Variants in SLC2A12 observed in about 807,000 individuals in gnomAD.
SLC2A12 encodes solute carrier family 2, facilitated glucose transporter member 12.
Under a neutral mutation model 41.8 loss-of-function variants are expected in SLC2A12, and 23 were observed. The observed-to-expected ratio is 0.55, with a 90% CI of 0.40 to 0.78. The LOEUF is 0.78. Among genes scored for constraint, SLC2A12 ranks in the 30% least tolerant of loss-of-function variants. The probability of loss-of-function intolerance (pLI) is 0.00; values close to 1 mark genes in which losing one functional copy is unlikely to be tolerated. For synonymous variants in SLC2A12, 295 were observed against 285.9 expected (o/e 1.03, Z -0.32); for missense variants, 654 against 745.6 (o/e 0.88, Z 1.43).
intron 2 of SLC2A12, among the ~76,000 whole-genome samples, chr6:134,023,592 ATAAT>A (rs542714376): frequency 6.6e-6 from 1 of 152,312 alleles, no homozygotes; most frequent in South Asian, 2.1e-4. Flanking sequence ...CTCAAGGGAG[ATAAT>A]TAACGTTCCT....
In SLC2A12 at chr6:133,991,133, C is replaced by G. The variant is rs17063242; in HGVS notation, c.*22G>C. On this transcript the variant is annotated 3_prime_UTR_variant, in exon 5 of 5. Transcript: ENST00000275230. ...CTCCTAAGTGTTCTGGCACTATCCA[C>G]GTTCAGAAGGTGTTGAGGCCATTAG... The G allele has an allele frequency of 6.0e-3, 9,587 of 1,600,904 alleles. 447 individuals carry two copies. In the African/African-American group the frequency reaches 0.11, roughly 18 times the overall value.
At chr6:133,998,546 G>T (rs748865205) in intron 4 of SLC2A12, among the ~76,000 whole-genome samples, 2 of 152,122 alleles carry the variant, frequency 1.3e-5, no homozygotes, top group African/African-American at 4.8e-5. Context: ...TACTTTTTGT[G>T]TGTGTGTGCT....
At position 134,047,649 on chromosome 6, in the gene SLC2A12, A is replaced by G. The variant is rs148105826; in HGVS notation, c.103+4729T>C. 6.4e-4 allele frequency among the ~76,000 whole-genome samples: 97 copies of G among 152,304 alleles called. 1 individual carries two copies. In the East Asian group the frequency reaches 0.017, roughly 27 times the overall value. On this transcript the variant is annotated intron_variant, in intron 1 of 4. Coordinates refer to ENST00000275230, the MANE Select transcript of SLC2A12 (RefSeq NM_145176.3). Reference sequence around the variant, plus strand: ...CAGGAAAGATACCCTGTGGGCTCATATTCAGGTCCTATCAGCTACCACCAG... The same window carrying G: ...CAGGAAAGATACCCTGTGGGCTCATGTTCAGGTCCTATCAGCTACCACCAG...
At chr6:134,006,690 G>A in intron 3 of SLC2A12, 122 bp downstream of exon 3, 1 of 1,277,696 alleles carries the variant, frequency 7.8e-7, no homozygotes, top group South Asian at 1.5e-5. Context: ...CAGGGTCATG[G>A]CCGTTCTCCT....
chr6:134,022,846 T>C (rs532930728), intron 2 of SLC2A12, among the ~76,000 whole-genome samples: 219 of 152,342 alleles, frequency 1.4e-3, no homozygotes, highest in South Asian at 5.8e-3. Context: ...CTGCACGTAC[T>C]ACATGATTTT....
chr6:134,005,417 G>A (rs917715068), intron 3 of SLC2A12, among the ~76,000 whole-genome samples: 8 of 151,908 alleles, frequency 5.3e-5, no homozygotes, highest in African/African-American at 9.7e-5. Flanking sequence ...CCAGCACTTC[G>A]GGAGGCTGAG....
intron 1 of SLC2A12, among the ~76,000 whole-genome samples, chr6:134,047,394 C>G (rs1465666471): frequency 6.6e-6 from 1 of 152,006 alleles, no homozygotes; most frequent in Non-Finnish European, 1.5e-5. Context: ...GAAAATGCTC[C>G]CTATGAAACC....
intron 4 of SLC2A12, among the ~76,000 whole-genome samples, chr6:133,998,593 T>C (rs1228261260): frequency 2.0e-5 from 3 of 152,252 alleles, no homozygotes; most frequent in African/African-American, 7.2e-5. Flanking sequence ...CCAGGCTGAA[T>C]GCAGTGGTGC....
At chr6:134,006,688 T>A in intron 3 of SLC2A12, 124 bp downstream of exon 3, 1 of 1,269,468 alleles carries the variant, frequency 7.9e-7, no homozygotes, top group South Asian at 1.5e-5. Flanking sequence ...TTCAGGGTCA[T>A]GGCCGTTCTC....
At chr6:134,034,903 G>A (rs1321055404) in intron 1 of SLC2A12, among the ~76,000 whole-genome samples, 2 of 151,906 alleles carry the variant, frequency 1.3e-5, no homozygotes, top group Non-Finnish European at 2.9e-5. Context: ...GCTTCACAGG[G>A]GCCCTTCCTT....
chr6:134,040,721 G>A lies in SLC2A12; in HGVS notation c.104-11000C>T, dbSNP rs185517543. On this transcript the variant is annotated intron_variant, in intron 1 of 4. Coordinates refer to ENST00000275230, the MANE Select transcript of SLC2A12 (RefSeq NM_145176.3). The stretch of plus-strand genomic sequence containing the variant: ...TGTGGCTCTCTCCTTTTATCAGGAG[G>A]AAAACTTTCAAGAAGCAACCTGGAA... 1.4e-3 allele frequency among the ~76,000 whole-genome samples: 209 copies of A among 152,330 alleles called. 1 individual carries two copies. Among genetic ancestry groups the A allele is most frequent in the Non-Finnish European group, 2.3e-3 (155 of 68,034 alleles).
In SLC2A12 at chr6:134,029,531, C is replaced by T. The variant is rs1332041415; in HGVS notation, c.294G>A (p.Gly98=). 3.1e-6 allele frequency: 5 copies of T among 1,614,122 alleles called. No homozygotes were observed. Among genetic ancestry groups the T allele is most frequent in the Admixed American group, 3.3e-5 (2 of 60,006 alleles). ...IGALLASLTG[G]VLIDRYGRRT... is the part of the protein sequence containing the mutation. ...TTCTTCCATATCTGTCTATCAGGAC[C>T]CCTCCGGTGAGTGAGGCAAGGAGGG... Residue 98 remains glycine, a synonymous_variant, in exon 2 of 5, where the codon GGG becomes GGA. Transcript: ENST00000275230.
At chr6:134,019,610 T>G (rs1777014498) in intron 2 of SLC2A12, among the ~76,000 whole-genome samples, 1 of 152,202 alleles carries the variant, frequency 6.6e-6, no homozygotes, top group African/African-American at 2.4e-5. Context: ...GGTTTTAATA[T>G]TAGCTACAGA....
At chr6:133,997,085 C>CAAAAAAAAAAAAAAAAAAAAA (rs58295985) in intron 4 of SLC2A12, among the ~76,000 whole-genome samples, 1 of 70,710 alleles carries the variant, frequency 1.4e-5, no homozygotes, top group African/African-American at 5.5e-5. Context: ...ACTAAAAATA[C>CAAAAAAAAAAAAAAAAAAAAA]AAAAAAAAAA....
intron 1 of SLC2A12, among the ~76,000 whole-genome samples, chr6:134,041,491 A>AAGAG (rs200450696): frequency 6.6e-6 from 1 of 151,892 alleles, no homozygotes; most frequent in Non-Finnish European, 1.5e-5. Context: ...AACAAAAAAA[A>AAGAG]AGAGAGAGAG....
At chr6:134,050,885 G>T (rs972345976) in intron 1 of SLC2A12, among the ~76,000 whole-genome samples, 2 of 151,970 alleles carry the variant, frequency 1.3e-5, no homozygotes, top group Admixed American at 6.6e-5. Flanking sequence ...GCATAGGAGA[G>T]GACAGGCCAT....
intron 1 of SLC2A12, among the ~76,000 whole-genome samples, chr6:134,046,920 T>C (rs1777462755): frequency 6.6e-6 from 1 of 152,006 alleles, no homozygotes; most frequent in African/African-American, 2.4e-5. Context: ...CAAAACAAAA[T>C]AATACAGAAA....
Position 134,006,812 on chromosome 6 carries a change from C to T in SLC2A12, c.1567G>A (p.Asp523Asn). ...LISLTFLTVTDLIGLPWVCFI... is the reference protein window; with the variant it reads ...LISLTFLTVTNLIGLPWVCFI... ...TTAGAGGAAAACAAAGACTTCTTAC[C>T]AGTTACAGTCAAAAATGTCAGCGAG... Residue 523 changes from aspartate to asparagine, a missense_variant and splice_region_variant, in exon 3 of 5, where the codon GAT becomes AAT. Asp to Asn is a conservative substitution (Grantham distance 23). Coordinates refer to ENST00000275230, the MANE Select transcript of SLC2A12 (RefSeq NM_145176.3). 2 of 1,613,930 alleles carry T rather than the reference C, an allele frequency of 1.2e-6. No individual in the cohort carries two copies. The highest frequency in any genetic ancestry group is 2.2e-5 in the East Asian group (1 of 44,864).
chr6:134,042,199 G>A (rs1029529159), intron 1 of SLC2A12, among the ~76,000 whole-genome samples: 2 of 152,156 alleles, frequency 1.3e-5, no homozygotes, highest in Non-Finnish European at 2.9e-5. Context: ...ATTTTAAAAG[G>A]AGTTGCTGCA....
Sources: gnomAD v4.1 joint callset for allele counts (sites outside exome capture counted in the v4.1 genomes callset) on GRCh38, gnomAD v4.1.1 for gene constraint, MANE v1.5 for transcripts, NCBI Gene and HGNC (gene_info 2026-07-23, HGNC 2026-07-21) for gene names.